CSGALNACT1: variants seen among roughly 807,000 people sequenced by gnomAD.
The protein encoded by CSGALNACT1 is chondroitin sulfate N-acetylgalactosaminyltransferase 1.
CSGALNACT1 carries 52 observed loss-of-function variants against 51.0 expected under a neutral mutation model. The observed-to-expected ratio is 1.02, with a 90% CI of 0.82 to 1.29. CSGALNACT1 has a LOEUF of 1.29. Among genes scored for constraint, CSGALNACT1 ranks in the 50% most tolerant of loss-of-function variants. The probability of loss-of-function intolerance (pLI) is 0.00; values close to 1 mark genes in which losing one functional copy is unlikely to be tolerated. For missense variants in CSGALNACT1, 935 were observed against 679.2 expected (o/e 1.38, Z -4.19); for synonymous variants, 341 against 254.4 (o/e 1.34, Z -3.24).
intron 1 of CSGALNACT1, among the ~76,000 whole-genome samples, chr8:19,715,764 G>C (rs1432511869): frequency 6.6e-6 from 1 of 151,990 alleles, no homozygotes; most frequent in Non-Finnish European, 1.5e-5. Flanking sequence ...CTAGTGTAAG[G>C]GTTTGAGTTG....
chr8:19,497,111 C>G (rs1479121864), intron 4 of CSGALNACT1, among the ~76,000 whole-genome samples: 1 of 152,150 alleles, frequency 6.6e-6, no homozygotes, highest in South Asian at 2.1e-4. Flanking sequence ...GGAAAATACC[C>G]TAAGACCCAG....
At chr8:19,609,857 T>A (rs1261361378) in intron 1 of CSGALNACT1, among the ~76,000 whole-genome samples, 1 of 152,178 alleles carries the variant, frequency 6.6e-6, no homozygotes, top group Non-Finnish European at 1.5e-5. Flanking sequence ...AATAAAGCTA[T>A]ACAATGTGGA....
At chr8:19,534,570 A>G (rs901710527) in intron 3 of CSGALNACT1, among the ~76,000 whole-genome samples, 2 of 152,188 alleles carry the variant, frequency 1.3e-5, no homozygotes, top group African/African-American at 2.4e-5. Context: ...AAACACACCA[A>G]TCATGACCCT....
At chr8:19,469,893 C>G (rs901082013) in intron 4 of CSGALNACT1, among the ~76,000 whole-genome samples, 5 of 152,044 alleles carry the variant, frequency 3.3e-5, no homozygotes, top group Admixed American at 1.3e-4. Context: ...TGTCTGCAAC[C>G]CTAATGAATA....
At chr8:19,509,597 G>A (rs971426474) in intron 3 of CSGALNACT1, among the ~76,000 whole-genome samples, 2 of 140,634 alleles carry the variant, frequency 1.4e-5, no homozygotes, top group African/African-American at 5.4e-5. Context: ...ACTCCAGCCT[G>A]GGCAACAGTG....
intron 6 of CSGALNACT1, among the ~76,000 whole-genome samples, chr8:19,427,536 C>G: frequency 6.6e-6 from 1 of 152,108 alleles, no homozygotes; most frequent in Non-Finnish European, 1.5e-5. Context: ...TGCTTGTAAT[C>G]CCAGCACTTT....
intron 1 of CSGALNACT1, among the ~76,000 whole-genome samples, chr8:19,659,238 C>T (rs1023521377): frequency 1.3e-5 from 2 of 152,168 alleles, no homozygotes; most frequent in Admixed American, 1.3e-4. Context: ...CACATTAGAT[C>T]CATATTAGAA....
chr8:19,648,421 A>T lies in CSGALNACT1; in HGVS notation c.-544+34052T>A, dbSNP rs961222346. On this transcript the variant is annotated intron_variant, in intron 1 of 9. Coordinates refer to the CSGALNACT1 transcript ENST00000332246. ...TAAAATTAGAGCCTACACTTTGACC[A>T]TTTCTACATTCAATTTCTAGAAAGT... Among the ~76,000 whole-genome samples, 6 of 152,346 alleles carry T rather than the reference A, an allele frequency of 3.9e-5. No homozygotes were observed. The East Asian group carries it at 1.2e-3, about 29-fold the overall frequency.
chr8:19,722,973 C>T lies in CSGALNACT1; in HGVS notation c.-297+34877G>A, dbSNP rs1312452566. Among the ~76,000 whole-genome samples the T allele has an allele frequency of 2.6e-5, 4 of 152,200 alleles. No individual in the cohort carries two copies. The South Asian group carries it at 6.2e-4, about 24-fold the overall frequency. Reference sequence around the variant, plus strand: ...GGATTTCCTTGGCTGTCACTACTACCTGCCACCGATCTTTATTCTAGGGAC... The same window carrying T: ...GGATTTCCTTGGCTGTCACTACTACTTGCCACCGATCTTTATTCTAGGGAC... On this transcript the variant is annotated intron_variant, in intron 1 of 1. Transcript: ENST00000517494.
chr8:19,439,706 T>C, intron 6 of CSGALNACT1, 124 bp downstream of exon 5: 1 of 773,874 alleles, frequency 1.3e-6, no homozygotes. Context: ...CAGCCAGCAA[T>C]CAATCCATCC....
chr8:19,675,027 G>T (rs531522879), intron 1 of CSGALNACT1, among the ~76,000 whole-genome samples: 2 of 152,178 alleles, frequency 1.3e-5, no homozygotes, highest in African/African-American at 2.4e-5. Context: ...ACATCATCTA[G>T]ATGAAGATAC....
chr8:19,722,058 T>G (rs2063158384), intron 1 of CSGALNACT1, among the ~76,000 whole-genome samples: 1 of 152,168 alleles, frequency 6.6e-6, no homozygotes, highest in Non-Finnish European at 1.5e-5. Context: ...TTAAAACTGA[T>G]TAATTCATGT....
At chr8:19,569,577 T>G (rs920463828) in intron 3 of CSGALNACT1, among the ~76,000 whole-genome samples, 6 of 152,184 alleles carry the variant, frequency 3.9e-5, no homozygotes, top group African/African-American at 1.2e-4. Flanking sequence ...ACGAGTTGGT[T>G]GTTGACAATA....
intron 6 of CSGALNACT1, among the ~76,000 whole-genome samples, chr8:19,421,583 C>T (rs2057945587): frequency 6.6e-6 from 1 of 152,240 alleles, no homozygotes. Flanking sequence ...CCCCATGCCC[C>T]AACTTCTCTC....
At chr8:19,596,418 T>C (rs1193409680) in intron 2 of CSGALNACT1, among the ~76,000 whole-genome samples, 1 of 152,156 alleles carries the variant, frequency 6.6e-6, no homozygotes, top group Non-Finnish European at 1.5e-5. Flanking sequence ...TGTCACGCCC[T>C]CTGCTTGTGA....
intron 1 of CSGALNACT1, among the ~76,000 whole-genome samples, chr8:19,668,349 C>T (rs994870153): frequency 4.1e-5 from 6 of 145,462 alleles, no homozygotes; most frequent in Non-Finnish European, 9.3e-5. Context: ...GTTACACACA[C>T]ACACACACAC....
At chr8:19,463,383 G>T (rs1355411991) in intron 4 of CSGALNACT1, among the ~76,000 whole-genome samples, 2 of 152,086 alleles carry the variant, frequency 1.3e-5, no homozygotes, top group Non-Finnish European at 2.9e-5. Flanking sequence ...TCCCATCCCT[G>T]CACAGAGGGA....
chr8:19,644,147 T>C (rs2057019368), intron 1 of CSGALNACT1, among the ~76,000 whole-genome samples: 1 of 152,182 alleles, frequency 6.6e-6, no homozygotes, highest in African/African-American at 2.4e-5. Context: ...TATATGTTAA[T>C]GTGTTGGAGT....
intron 4 of CSGALNACT1, among the ~76,000 whole-genome samples, chr8:19,485,865 C>A (rs541363282): frequency 3.6e-5 from 5 of 139,186 alleles, no homozygotes; most frequent in African/African-American, 1.3e-4. Flanking sequence ...CTACCAGGTT[C>A]AAGCAAATCT....
Sources: allele counts gnomAD v4.1 joint callset (sites outside exome capture counted in the v4.1 genomes callset), GRCh38; gene constraint gnomAD v4.1.1; transcripts MANE v1.5; gene names NCBI Gene and HGNC (gene_info 2026-07-23, HGNC 2026-07-21).